CRB1: variants seen among roughly 807,000 people sequenced by gnomAD.
CRB1 encodes the protein protein crumbs homolog 1.
Under a neutral mutation model 120.0 loss-of-function variants are expected in CRB1, and 83 were observed. The observed-to-expected ratio is 0.69, with a 90% confidence interval of 0.58 to 0.83. The LOEUF is 0.83. Among genes scored for constraint, CRB1 ranks in the 40% least tolerant of loss-of-function variants. The probability of loss-of-function intolerance (pLI) is 0.00; values close to 1 mark genes in which losing one functional copy is unlikely to be tolerated. For synonymous variants in CRB1, 625 were observed against 612.5 expected, an observed-to-expected ratio of 1.02 and a Z score of -0.30; for missense variants, 1,699 against 1,687.6, an observed-to-expected ratio of 1.01 and a Z score of -0.12.
intron 11 of CRB1, among the ~76,000 whole-genome samples, chr1:197,470,959 G>A (rs1417313659): frequency 6.6e-6 from 1 of 152,160 alleles, no homozygotes; most frequent in Non-Finnish European, 1.5e-5. Flanking sequence ...AGTTAATGTT[G>A]AGGTTGATTG....
At chr1:197,223,749 A>T in the CRB1 span, among the ~76,000 whole-genome samples, 1 of 152,176 alleles carries the variant, frequency 6.6e-6, no homozygotes, top group African/African-American at 2.4e-5. Flanking sequence ...TAGCCCTAAA[A>T]TATGGATGTG....
intron 1 of CRB1, among the ~76,000 whole-genome samples, chr1:197,325,162 G>A (rs1658422979): frequency 6.6e-6 from 1 of 152,060 alleles, no homozygotes; most frequent in African/African-American, 2.4e-5. Flanking sequence ...AAGCCATTTT[G>A]GCTATGTCCT....
In CRB1 at chr1:197,347,357, C is replaced by T. The variant is rs62636263; in HGVS notation, c.866C>T (p.Thr289Met). 641 of 1,613,846 alleles carry T rather than the reference C, an allele frequency of 4.0e-4. 2 individuals carry two copies. Among genetic ancestry groups the T allele is most frequent in the Admixed American group, 2.0e-3 (123 of 60,014 alleles). ...CTTTCCAGATATAGCTGTAACTGCA[C>T]GGGTAGTGGATTCACAGGGACACAC... The part of the protein sequence containing the change: ...DGENRYSCNC[T>M]GSGFTGTHCE... Residue 289 changes from threonine to methionine, a missense_variant, in exon 4 of 12, where the codon ACG becomes ATG. Physicochemically the swap from Thr to Met is moderately conservative, Grantham distance 81. Transcript: ENST00000367400.
In CRB1 at chr1:197,340,651, T is replaced by C. The variant is rs1411962550; in HGVS notation, c.653-3630T>C. On this transcript the variant is annotated intron_variant, in intron 2 of 11. Transcript: ENST00000367400. ...AGAGATGATGAGATCTGATGACTAA[T>C]TAGGACACGGGGAATAGTGGCAAAT... Among the ~76,000 whole-genome samples the C allele has an allele frequency of 2.6e-5, 4 of 152,064 alleles. No individual in the cohort carries two copies. The East Asian group carries it at 5.8e-4, about 22-fold the overall frequency.
Position 197,442,282 on chromosome 1 carries a change from G to T in CRB1, c.3995G>T (p.Cys1332Phe), listed in dbSNP as rs377543137. 6.2e-7 allele frequency: 1 copy of T among 1,614,196 alleles called. No homozygotes were observed. Among genetic ancestry groups the T allele is most frequent in the Non-Finnish European group, 8.5e-7 (1 of 1,180,036 alleles). Reference protein sequence around the residue: ...LCDVAFAGERCEVDLADDLIS... With the variant: ...LCDVAFAGERFEVDLADDLIS... ...GATGTTGCCTTTGCTGGCGAGCGCT[G>T]CGAGGTGGACGTAAGCAGCCTCTCC... The change falls in exon 11 of 12, where the codon TGC (cysteine) becomes TTC (phenylalanine). Residue 1332 changes from cysteine (C) to phenylalanine (F), a missense_variant. Transcript: ENST00000367400.
chr1:197,458,691 C>T (rs369562684), intron 11 of CRB1, among the ~76,000 whole-genome samples: 156 of 152,160 alleles, frequency 1.0e-3, no homozygotes, highest in African/African-American at 3.5e-3. Context: ...TCCATCCACA[C>T]GTTTGTTTCT....
intron 5 of CRB1, among the ~76,000 whole-genome samples, chr1:197,383,750 C>A (rs1662075818): frequency 6.6e-6 from 1 of 152,150 alleles, no homozygotes; most frequent in South Asian, 2.1e-4. Flanking sequence ...GGAACATTTT[C>A]TCTCCTCTTT....
chr1:197,332,806 A>G (rs1445482509), intron 2 of CRB1, among the ~76,000 whole-genome samples: 1 of 152,204 alleles, frequency 6.6e-6, no homozygotes, highest in Admixed American at 6.5e-5. Context: ...GCACCATACC[A>G]TCATTTAGAC....
intron 11 of CRB1, among the ~76,000 whole-genome samples, chr1:197,469,322 A>AT (rs1407199904): frequency 2.0e-5 from 3 of 152,276 alleles, no homozygotes; most frequent in South Asian, 2.1e-4. Context: ...AAGTACGGTC[A>AT]TTTTTTTCTG....
intron 11 of CRB1, among the ~76,000 whole-genome samples, chr1:197,445,784 C>T (rs888545027): frequency 6.6e-6 from 1 of 152,178 alleles, no homozygotes; most frequent in Non-Finnish European, 1.5e-5. Flanking sequence ...TGTACTTATT[C>T]AACAAATGTT....
At chr1:197,231,382 C>G in the CRB1 span, among the ~76,000 whole-genome samples, 1 of 152,124 alleles carries the variant, frequency 6.6e-6, no homozygotes, top group Non-Finnish European at 1.5e-5. Context: ...CCAGACTCCT[C>G]TTATAAGGTA....
At chr1:197,260,174 A>G in the CRB1 span, among the ~76,000 whole-genome samples, 1 of 141,086 alleles carries the variant, frequency 7.1e-6, no homozygotes, top group Admixed American at 7.8e-5. Flanking sequence ...AGAGAGAGGA[A>G]GAGGAAGAGG....
rs1293863321 is a variant in CRB1, at chr1:197,427,652, C to T, written c.2327C>T (p.Thr776Ile). 1 of 1,613,802 alleles carries T rather than the reference C, an allele frequency of 6.2e-7. No homozygotes were observed. Among genetic ancestry groups the T allele is most frequent in the Non-Finnish European group, 8.5e-7 (1 of 1,179,928 alleles). The change falls in exon 7 of 12, where the codon ACT (threonine) becomes ATT (isoleucine). Residue 776 changes from threonine to isoleucine, a missense_variant. By Grantham distance (89) the Thr-to-Ile change is moderately conservative. Transcript: ENST00000367400. ...GAGCGCGGCAGACTAGCAATGCTGA[C>T]TCCAAACTCTCCCAAATTAGTAGTA... is the stretch of plus-strand genomic sequence containing the variant. Reference protein sequence around the residue: ...WLERGRLAMLTPNSPKLVVKF... With the variant: ...WLERGRLAMLIPNSPKLVVKF...
chr1:197,345,508 T>G (rs1659713641), intron 3 of CRB1, among the ~76,000 whole-genome samples: 1 of 139,122 alleles, frequency 7.2e-6, no homozygotes, highest in Non-Finnish European at 1.6e-5. Context: ...ATGACTTTTT[T>G]TTTTTTTTTT....
chr1:197,294,266 C>G (rs1174070439), intron 1 of CRB1, among the ~76,000 whole-genome samples: 1 of 152,138 alleles, frequency 6.6e-6, no homozygotes, highest in Admixed American at 6.6e-5. Context: ...CATGAACAGA[C>G]AGTTCTCAAA....
chr1:197,441,047 C>T (rs1209333865), intron 10 of CRB1: 3 of 152,242 alleles, frequency 2.0e-5, no homozygotes, highest in African/African-American at 7.2e-5. Context: ...TGGCCTTGCC[C>T]CACTACCTCA....
intron 1 of CRB1, among the ~76,000 whole-genome samples, chr1:197,297,317 A>G (rs981293192): frequency 1.3e-5 from 2 of 152,020 alleles, no homozygotes; most frequent in Non-Finnish European, 1.5e-5. Flanking sequence ...TTGTGCTATT[A>G]TACATATATT....
chr1:197,301,900 A>G (rs1260058319), intron 1 of CRB1, among the ~76,000 whole-genome samples: 2 of 152,180 alleles, frequency 1.3e-5, no homozygotes, highest in African/African-American at 4.8e-5. Flanking sequence ...GAAAAAAAAA[A>G]GAATTTTGTG....
chr1:197,338,838 A>G (rs1421349426), intron 2 of CRB1, among the ~76,000 whole-genome samples: 1 of 151,928 alleles, frequency 6.6e-6, no homozygotes, highest in Non-Finnish European at 1.5e-5. Context: ...CAGATTTAAT[A>G]CATCATCAGT....
Sources: gnomAD v4.1 joint callset for allele counts (sites outside exome capture counted in the v4.1 genomes callset) on GRCh38, gnomAD v4.1.1 for gene constraint, MANE v1.5 for transcripts, NCBI Gene and HGNC (gene_info 2026-07-23, HGNC 2026-07-21) for gene names.